The following DNAH3 variants were observed in gnomAD, a reference collection of about 807,000 sequenced individuals.
The protein encoded by DNAH3 is dynein axonemal heavy chain 3, also known as axonemal beta dynein heavy chain 3.
Under a neutral mutation model 432.5 loss-of-function variants are expected in DNAH3, and 332 were observed. The ratio of observed to expected loss-of-function variants is 0.77; its 90% CI spans 0.70 to 0.84. The LOEUF is 0.84. Among genes scored for constraint, DNAH3 ranks in the 40% least tolerant of loss-of-function variants. The probability of loss-of-function intolerance (pLI) is 0.00; values close to 1 mark genes in which losing one functional copy is unlikely to be tolerated. For synonymous variants in DNAH3, 1,956 were observed against 1,900.2 expected (o/e 1.03, Z -0.76); for missense variants, 4,861 against 5,114.0 (o/e 0.95, Z 1.51).
At chr16:21,095,448 T>C (rs948697477) in intron 18 of DNAH3, among the ~76,000 whole-genome samples, 4 of 152,142 alleles carry the variant, frequency 2.6e-5, no homozygotes, top group African/African-American at 7.2e-5. Flanking sequence ...TCTTGAAAGA[T>C]TGCATACTGT....
At chr16:21,073,539 T>C (rs543506164) in intron 21 of DNAH3, among the ~76,000 whole-genome samples, 6 of 152,122 alleles carry the variant, frequency 3.9e-5, no homozygotes, top group African/African-American at 1.4e-4. Context: ...TCTCAGAACA[T>C]GATACCCCGA....
intron 54 of DNAH3, 100 bp from the exon 55 acceptor site, chr16:20,955,157 C>T (rs1596938593): frequency 5.7e-6 from 7 of 1,236,726 alleles, no homozygotes; most frequent in Non-Finnish European, 1.1e-6. Flanking sequence ...ACAGACCAGC[C>T]TGGGTAACAT....
intron 21 of DNAH3, among the ~76,000 whole-genome samples, chr16:21,071,726 A>C (rs2090790118): frequency 6.6e-6 from 1 of 151,996 alleles, no homozygotes; most frequent in Admixed American, 6.6e-5. Context: ...CATCTCTAAA[A>C]ATTTTTTTTT....
At chr16:21,120,965 G>A in intron 10 of DNAH3, 1 of 805,130 alleles carries the variant, frequency 1.2e-6, no homozygotes, top group African/African-American at 1.7e-5. Flanking sequence ...CACACACCCA[G>A]TTTTAATGGA....
chr16:21,005,308 TTCCC>T (rs943221051), intron 41 of DNAH3, among the ~76,000 whole-genome samples: 17 of 141,616 alleles, frequency 1.2e-4, no homozygotes, highest in Non-Finnish European at 1.5e-4. Context: ...CCTTCCCTCC[TTCCC>T]TCCCTCCCTC....
At chr16:21,113,255 T>C (rs1414197430) in intron 12 of DNAH3, among the ~76,000 whole-genome samples, 6 of 152,264 alleles carry the variant, frequency 3.9e-5, no homozygotes, top group South Asian at 2.1e-4. Context: ...AGTTGAATCA[T>C]AGGGCTGGTT....
At position 20,945,652 on chromosome 16, in the gene DNAH3, G is replaced by A. The variant is rs1039206211; in HGVS notation, c.11344-989C>T. ...ATTATAGGCATATGCCATCATGCCC[G>A]GCTAATTTTTTGTATTTTTAGTAGC... On this transcript the variant is annotated intron_variant, in intron 57 of 61. Transcript: ENST00000261383. Among the ~76,000 whole-genome samples, 7 of 152,098 alleles carry A rather than the reference G, an allele frequency of 4.6e-5. No homozygotes were observed. In the East Asian group the frequency reaches 1.2e-3, roughly 25 times the overall value.
At chr16:21,065,694 A>G (rs1597288483) in intron 24 of DNAH3, among the ~76,000 whole-genome samples, 1 of 152,218 alleles carries the variant, frequency 6.6e-6, no homozygotes, top group East Asian at 1.9e-4. Flanking sequence ...AACCACATAT[A>G]AAGTGCTCAG....
chr16:20,975,184 C>T (rs3115438), intron 51 of DNAH3, 49 bp downstream of exon 51: 753,174 of 1,598,002 alleles, frequency 0.47, 178,929 homozygotes, highest in South Asian at 0.59. Flanking sequence ...GGTATAACCA[C>T]GCTCATTCGG....
chr16:21,134,110 T>C, intron 7 of DNAH3, 149 bp downstream of exon 8: 1 of 732,750 alleles, frequency 1.4e-6, no homozygotes, highest in Non-Finnish European at 2.2e-6. Flanking sequence ...GTGTCACTTA[T>C]AATTCACATG....
intron 50 of DNAH3, among the ~76,000 whole-genome samples, chr16:20,977,296 G>C (rs2085638651): frequency 6.6e-6 from 1 of 152,206 alleles, no homozygotes; most frequent in African/African-American, 2.4e-5. Flanking sequence ...AGAATTGCTT[G>C]AATGCGGGAG....
intron 37 of DNAH3, among the ~76,000 whole-genome samples, chr16:21,028,681 T>C (rs1300477840): frequency 6.6e-6 from 1 of 150,912 alleles, no homozygotes. Context: ...AGAAAAATCA[T>C]CAGAATTTCT....
At chr16:21,016,137 T>C (rs1307232641) in intron 41 of DNAH3, among the ~76,000 whole-genome samples, 3 of 152,174 alleles carry the variant, frequency 2.0e-5, no homozygotes, top group African/African-American at 4.8e-5. Context: ...GAAAAGGCAA[T>C]ACTCAGTGAG....
At chr16:21,028,206 AT>A (rs374971556) in intron 37 of DNAH3, among the ~76,000 whole-genome samples, 2,609 of 151,900 alleles carry the variant, frequency 0.017, 72 homozygotes, top group African/African-American at 0.055. Flanking sequence ...TCCATAATAT[AT>A]TTTTTAAAAT....
At position 21,032,597 on chromosome 16, in the gene DNAH3, G is replaced by A. The variant is rs112791469; in HGVS notation, c.5198-1311C>T. Among the ~76,000 whole-genome samples the A allele has an allele frequency of 2.0e-3, 304 of 152,228 alleles. 1 individual carries two copies. Among genetic ancestry groups the A allele is most frequent in the African/African-American group, 7.0e-3 (289 of 41,540 alleles). On this transcript the variant is annotated intron_variant, in intron 36 of 61. Transcript: ENST00000261383. ...GGAGGCTGAGGCAGGAGGATTGCTT[G>A]AGCTCAGGAGTTCGAGACCAGCCTG...
intron 59 of DNAH3, 110 bp from the exon 60 acceptor site, chr16:20,936,963 T>A: frequency 1.2e-6 from 1 of 825,046 alleles, no homozygotes; most frequent in Non-Finnish European, 1.9e-6. Context: ...GCACAGTCAT[T>A]AAATGAGGAA....
chr16:20,944,548 C>A lies in DNAH3; in HGVS notation c.11459G>T (p.Gly3820Val), dbSNP rs267604446. Residue 3820 changes from glycine to valine, a missense_variant, in exon 58 of 62, where the codon GGG becomes GTG. Gly to Val is a moderately radical substitution (Grantham distance 109). Coordinates refer to ENST00000261383, the Ensembl canonical transcript of DNAH3. ...CTGTCTAGGGAGGGTCAGCAGGACCCCCTCAAACAGCTGGTTGGTTTCCTG... is the reference window on the plus strand; with the variant it reads ...CTGTCTAGGGAGGGTCAGCAGGACCACCTCAAACAGCTGGTTGGTTTCCTG... The A allele has an allele frequency of 1.4e-5, 22 of 1,614,120 alleles. No homozygotes were observed. In the East Asian group the frequency reaches 4.9e-4, roughly 36 times the overall value.
At chr16:21,139,786 T>C in intron 5 of DNAH3, among the ~76,000 whole-genome samples, 1 of 126,956 alleles carries the variant, frequency 7.9e-6, no homozygotes. Context: ...CTTTTTTTTT[T>C]TTTTTTTTTT....
At chr16:20,974,714 C>T (rs2085503415) in intron 51 of DNAH3, among the ~76,000 whole-genome samples, 1 of 151,098 alleles carries the variant, frequency 6.6e-6, no homozygotes, top group African/African-American at 2.4e-5. Flanking sequence ...AGCCACCACA[C>T]CTGCCCATAT....
Sources: allele counts gnomAD v4.1 joint callset (sites outside exome capture counted in the v4.1 genomes callset), GRCh38; gene constraint gnomAD v4.1.1; transcripts MANE v1.5; gene names NCBI Gene and HGNC (gene_info 2026-07-23, HGNC 2026-07-21).